The following TMEM177 variants were observed in gnomAD, a reference collection of about 807,000 sequenced individuals.
The protein encoded by TMEM177 is transmembrane protein 177.
A neutral mutation model predicts 14.2 loss-of-function variants in TMEM177; 4 were observed. That is an observed-to-expected ratio of 0.28 (90% CI 0.14 to 0.64). The LOEUF is 0.64. Among genes scored for constraint, TMEM177 ranks in the 30% least tolerant of loss-of-function variants. The pLI is 0.82. For missense variants in TMEM177, 344 were observed against 405.2 expected (o/e 0.85, Z 1.30); for synonymous variants, 179 against 174.5 (o/e 1.03, Z -0.20).
chr2:119,719,513 A>G, the TMEM177 span, among the ~76,000 whole-genome samples: 1 of 152,180 alleles, frequency 6.6e-6, no homozygotes, highest in Non-Finnish European at 1.5e-5. Context: ...ATGAGGTGCA[A>G]TTCTGGCTAG....
the TMEM177 span, among the ~76,000 whole-genome samples, chr2:119,706,491 G>A: frequency 1.1e-4 from 17 of 152,288 alleles, no homozygotes; most frequent in Middle Eastern, 3.4e-3. Flanking sequence ...AGTGGCTAGC[G>A]CTGGGCCACA....
chr2:119,682,787 G>A (rs1297296566), downstream of TMEM177, among the ~76,000 whole-genome samples: 1 of 152,214 alleles, frequency 6.6e-6, no homozygotes, highest in Non-Finnish European at 1.5e-5. Flanking sequence ...TTGGAGAGGA[G>A]AGGCAGCAAG....
At chr2:119,710,335 G>C in the TMEM177 span, among the ~76,000 whole-genome samples, 5 of 152,182 alleles carry the variant, frequency 3.3e-5, no homozygotes, top group African/African-American at 1.2e-4. Context: ...CTCAGTCAAG[G>C]GAGGCACTGC....
chr2:119,711,539 G>A, the TMEM177 span, among the ~76,000 whole-genome samples: 5 of 152,132 alleles, frequency 3.3e-5, no homozygotes, highest in Non-Finnish European at 7.3e-5. Context: ...AAGTCCTGGG[G>A]GCTGACACTC....
At chr2:119,695,822 C>T in the TMEM177 span, among the ~76,000 whole-genome samples, 1 of 152,206 alleles carries the variant, frequency 6.6e-6, no homozygotes, top group African/African-American at 2.4e-5. Context: ...TGGTGTATAG[C>T]ACAAATGGCA....
chr2:119,715,013 C>T, the TMEM177 span, among the ~76,000 whole-genome samples: 7 of 152,156 alleles, frequency 4.6e-5, no homozygotes, highest in Admixed American at 3.9e-4. Flanking sequence ...TGCTAGGAAC[C>T]AGGCACTTGA....
At chr2:119,712,381 A>G in the TMEM177 span, among the ~76,000 whole-genome samples, 1 of 152,126 alleles carries the variant, frequency 6.6e-6, no homozygotes, top group South Asian at 2.1e-4. Flanking sequence ...AACCCCCAGT[A>G]TCTCAAAATG....
At chr2:119,696,885 G>A in the TMEM177 span, among the ~76,000 whole-genome samples, 1 of 152,194 alleles carries the variant, frequency 6.6e-6, no homozygotes, top group African/African-American at 2.4e-5. Flanking sequence ...AGATTGTATA[G>A]GGTCTTGTGA....
the TMEM177 span, among the ~76,000 whole-genome samples, chr2:119,702,909 G>T: frequency 6.6e-6 from 1 of 152,248 alleles, no homozygotes; most frequent in African/African-American, 2.4e-5. Flanking sequence ...GAACTTCTCA[G>T]GGGGCTGGTA....
At chr2:119,687,825 A>G (rs1689039915), downstream of TMEM177, among the ~76,000 whole-genome samples, 1 of 152,222 alleles carries the variant, frequency 6.6e-6, no homozygotes, top group African/African-American at 2.4e-5. Flanking sequence ...GTAGTAAGCC[A>G]TTTGGTGTGG....
chr2:119,721,498 A>G, the TMEM177 span, among the ~76,000 whole-genome samples: 1 of 152,370 alleles, frequency 6.6e-6, no homozygotes, highest in Non-Finnish European at 1.5e-5. Flanking sequence ...GAGTCATTCT[A>G]GTAAATTATT....
At chr2:119,686,494 C>T (rs1231689324), downstream of TMEM177, 1 of 152,296 alleles carries the variant, frequency 6.6e-6, no homozygotes, top group Non-Finnish European at 1.5e-5. Context: ...AAGCAGAGGA[C>T]ACATGTGGCC....
the TMEM177 span, among the ~76,000 whole-genome samples, chr2:119,722,543 TTTCTC>T: frequency 6.6e-6 from 1 of 152,206 alleles, no homozygotes; most frequent in South Asian, 2.1e-4. Flanking sequence ...GAGACTCTGT[TTTCTC>T]ATCTGTAAAA....
At chr2:119,696,238 G>A in the TMEM177 span, among the ~76,000 whole-genome samples, 26 of 152,304 alleles carry the variant, frequency 1.7e-4, no homozygotes, top group South Asian at 5.4e-3. Flanking sequence ...AGTCCTCAGG[G>A]ATTAAACTAG....
At chr2:119,712,627 G>A in the TMEM177 span, among the ~76,000 whole-genome samples, 3 of 152,132 alleles carry the variant, frequency 2.0e-5, no homozygotes, top group African/African-American at 7.2e-5. Flanking sequence ...CTTGACCTTC[G>A]ACTTCCAACC....
In TMEM177 at chr2:119,681,850, G is replaced by C. The variant is rs1688916081; in HGVS notation, c.*61G>C. 1 of 1,518,642 alleles carries C rather than the reference G, an allele frequency of 6.6e-7. No homozygotes were observed. The highest frequency in any genetic ancestry group is 9.0e-7 in the Non-Finnish European group (1 of 1,111,526). 94.1% of individuals were successfully genotyped at this position (1,518,642 alleles called of 1,614,324 possible). On this transcript the variant is annotated 3_prime_UTR_variant, in exon 2 of 2. Transcript: ENST00000272521. ...ACACCACCCTGCCATTGAGTCTGGA[G>C]GGCCCTGTTGGAGCCTTTGGACCTA...
the TMEM177 span, among the ~76,000 whole-genome samples, chr2:119,710,530 C>T: frequency 6.6e-6 from 1 of 152,170 alleles, no homozygotes; most frequent in Non-Finnish European, 1.5e-5. Flanking sequence ...AGAGGGACTC[C>T]AGCTGTCAGA....
At chr2:119,711,961 A>T in the TMEM177 span, among the ~76,000 whole-genome samples, 1 of 152,084 alleles carries the variant, frequency 6.6e-6, no homozygotes, top group South Asian at 2.1e-4. Context: ...CCCAAAAGTT[A>T]TGGGCTGGCA....
At chr2:119,716,121 T>C in the TMEM177 span, among the ~76,000 whole-genome samples, 1 of 152,164 alleles carries the variant, frequency 6.6e-6, no homozygotes, top group African/African-American at 2.4e-5. Flanking sequence ...CCGAGAGTGA[T>C]CTGTGCCGCC....
Sources: gnomAD v4.1 joint callset for allele counts (sites outside exome capture counted in the v4.1 genomes callset) on GRCh38, gnomAD v4.1.1 for gene constraint, MANE v1.5 for transcripts, NCBI Gene and HGNC (gene_info 2026-07-23, HGNC 2026-07-21) for gene names.